The following RELL1 variants were observed in gnomAD, a reference collection of about 807,000 sequenced individuals.
RELL1 encodes the protein RELT like 1, also known as RELT-like protein 1.
RELL1 carries 10 observed loss-of-function variants against 23.0 expected under a neutral mutation model. That is an observed-to-expected ratio of 0.43 (90% CI 0.27 to 0.74). The LOEUF (loss-of-function observed/expected upper bound fraction) is 0.74. RELL1 is among the 30% of genes least tolerant of loss of function. The pLI is 0.19. For missense variants in RELL1, 315 were observed against 364.4 expected, an observed-to-expected ratio of 0.86 and a Z score of 1.10; for synonymous variants, 146 against 146.8, an observed-to-expected ratio of 0.99 and a Z score of 0.04.
At chr4:37,631,204 A>G (rs1720117366) in intron 6 of RELL1, among the ~76,000 whole-genome samples, 181 bp downstream of exon 6, 1 of 152,196 alleles carries the variant, frequency 6.6e-6, no homozygotes, top group South Asian at 2.1e-4. Context: ...CTTCTTTACA[A>G]GAAGCTCTAG....
At chr4:37,648,576 A>G (rs187662580) in intron 2 of RELL1, among the ~76,000 whole-genome samples, 56 of 152,362 alleles carry the variant, frequency 3.7e-4, no homozygotes, top group African/African-American at 1.2e-3. Flanking sequence ...CAGTGGCGAA[A>G]ACAGGATTTC....
chr4:37,632,921 C>G (rs17605314), intron 5 of RELL1, among the ~76,000 whole-genome samples: 4,677 of 152,090 alleles, frequency 0.031, 224 homozygotes, highest in East Asian at 0.25. Flanking sequence ...CTTCTGTGTC[C>G]AAAATAAGAT....
intron 6 of RELL1, among the ~76,000 whole-genome samples, chr4:37,623,989 G>A (rs1719855175): frequency 6.6e-6 from 1 of 152,148 alleles, no homozygotes; most frequent in Admixed American, 6.5e-5. Flanking sequence ...TTCCTGGAGA[G>A]TTAATAAAAG....
intron 3 of RELL1, among the ~76,000 whole-genome samples, chr4:37,640,779 T>G (rs956171122): frequency 6.6e-6 from 1 of 152,224 alleles, no homozygotes; most frequent in Non-Finnish European, 1.5e-5. Flanking sequence ...TTATCCTTGA[T>G]TGGTTAAATC....
chr4:37,676,927 C>T (rs1465038951), intron 1 of RELL1, among the ~76,000 whole-genome samples: 5 of 152,148 alleles, frequency 3.3e-5, no homozygotes, highest in African/African-American at 1.2e-4. Context: ...AAGACATACA[C>T]GTAGTCCCTC....
At chr4:37,587,026 AG>A (rs1181318003), downstream of RELL1, among the ~76,000 whole-genome samples, 1 of 152,170 alleles carries the variant, frequency 6.6e-6, no homozygotes, top group Non-Finnish European at 1.5e-5. Flanking sequence ...TCAGGGATCA[AG>A]GTGTCACCGG....
At chr4:37,598,334 C>T (rs1220767892) in intron 6 of RELL1, among the ~76,000 whole-genome samples, 2 of 129,536 alleles carry the variant, frequency 1.5e-5, no homozygotes, top group Non-Finnish European at 3.2e-5. Flanking sequence ...GACATTACTT[C>T]AAAATAATTT....
intron 1 of RELL1, among the ~76,000 whole-genome samples, chr4:37,677,876 G>A (rs1056510380): frequency 1.3e-5 from 2 of 152,142 alleles, no homozygotes; most frequent in African/African-American, 4.8e-5. Context: ...GGAGGCTGAG[G>A]CAGAAGAATC....
intron 3 of RELL1, among the ~76,000 whole-genome samples, 182 bp downstream of exon 3, chr4:37,647,186 G>C (rs574376700): frequency 1.3e-5 from 2 of 152,208 alleles, no homozygotes; most frequent in Non-Finnish European, 2.9e-5. Context: ...CGCTTAGACC[G>C]ACTCACGCTT....
At chr4:37,590,817 C>T (rs1718565998) in exon 7 of RELL1, 1 of 1,614,232 alleles carries the variant, frequency 6.2e-7, no homozygotes, top group African/African-American at 1.3e-5. Flanking sequence ...TAAGCATCTG[C>T]TTTAATGAGA....
intron 1 of RELL1, among the ~76,000 whole-genome samples, chr4:37,677,911 G>T (rs905630274): frequency 1.3e-5 from 2 of 152,192 alleles, no homozygotes; most frequent in South Asian, 2.1e-4. Context: ...GGCAGAGGTT[G>T]CAGTGAGCCG....
intron 6 of RELL1, among the ~76,000 whole-genome samples, chr4:37,617,412 T>C (rs1425418642): frequency 6.6e-6 from 1 of 151,874 alleles, no homozygotes; most frequent in Non-Finnish European, 1.5e-5. Flanking sequence ...TCAGCGGAGG[T>C]CAAAAAATAC....
At chr4:37,683,139 A>C (rs1235272862) in intron 1 of RELL1, among the ~76,000 whole-genome samples, 1 of 152,174 alleles carries the variant, frequency 6.6e-6, no homozygotes, top group Non-Finnish European at 1.5e-5. Context: ...TCTGATAACC[A>C]CATGCTTACA....
downstream of RELL1, among the ~76,000 whole-genome samples, chr4:37,606,738 T>G (rs1483680123): frequency 6.6e-6 from 1 of 152,236 alleles, no homozygotes; most frequent in Non-Finnish European, 1.5e-5. The surrounding 1 kb of genome is among the most constrained non-coding windows in gnomAD (Gnocchi z 4.1). Flanking sequence ...TTCTGTGTTC[T>G]GGGGCACCCA....
At chr4:37,683,160 G>T (rs1414100259) in intron 1 of RELL1, among the ~76,000 whole-genome samples, 1 of 152,046 alleles carries the variant, frequency 6.6e-6, no homozygotes, top group Non-Finnish European at 1.5e-5. Context: ...ATTTTATGAC[G>T]TTCTAAACTA....
intron 1 of RELL1, among the ~76,000 whole-genome samples, chr4:37,662,325 C>T (rs908845392): frequency 6.6e-6 from 1 of 152,108 alleles, no homozygotes; most frequent in African/African-American, 2.4e-5. Context: ...GTATTTGGGG[C>T]ATAACCTATC....
chr4:37,612,923 GAAAC>G lies in RELL1; in HGVS notation c.*419_*422del, dbSNP rs1327597703. On this transcript the variant is annotated 3_prime_UTR_variant, in exon 7 of 7. Coordinates refer to ENST00000454158, the MANE Select transcript of RELL1 (RefSeq NM_001085400.2). ...AAATAGGATGCAGGAACTGGAAAAA[GAAAC>G]ACACACTCACGTGCACACATGCATA... is the stretch of plus-strand genomic sequence containing the variant. The G allele has an allele frequency of 1.3e-5, 2 of 152,156 alleles. No homozygotes were observed. Among genetic ancestry groups the G allele is most frequent in the African/African-American group, 4.8e-5 (2 of 41,398 alleles). The allele number at this position is 152,156 out of a possible 1,614,324, so 9.4% of individuals were successfully genotyped here.
chr4:37,634,393 T>C (rs1333013311), intron 5 of RELL1, among the ~76,000 whole-genome samples: 1 of 152,188 alleles, frequency 6.6e-6, no homozygotes. Flanking sequence ...GTGATCAAGT[T>C]CCAGCCAGTG....
At chr4:37,625,940 T>C (rs1719921906) in intron 6 of RELL1, among the ~76,000 whole-genome samples, 2 of 151,878 alleles carry the variant, frequency 1.3e-5, no homozygotes, top group African/African-American at 2.4e-5. Flanking sequence ...AGATTCTAAA[T>C]AGAAATTTCT....
Sources: allele counts gnomAD v4.1 joint callset (sites outside exome capture counted in the v4.1 genomes callset), GRCh38; gene constraint gnomAD v4.1.1; non-coding constraint Gnocchi (gnomAD v3.1); transcripts MANE v1.5; gene names NCBI Gene and HGNC (gene_info 2026-07-23, HGNC 2026-07-21).